Variants in POFUT2 observed in about 807,000 individuals in gnomAD.
POFUT2 encodes the protein GDP-fucose protein O-fucosyltransferase 2.
In POFUT2, 30 loss-of-function variants were observed where a neutral mutation model predicts 55.0. The observed-to-expected ratio is 0.55, with a 90% CI of 0.41 to 0.74. POFUT2 has a LOEUF of 0.74. Among genes scored for constraint, POFUT2 ranks in the 30% least tolerant of loss-of-function variants. The pLI is 0.00. For missense variants in POFUT2, 524 were observed against 562.6 expected (o/e 0.93, Z 0.69); for synonymous variants, 267 against 231.1 (o/e 1.16, Z -1.41).
At chr21:45,278,683 C>T (rs940011094) in intron 4 of POFUT2, among the ~76,000 whole-genome samples, 1 of 152,250 alleles carries the variant, frequency 6.6e-6, no homozygotes, top group Non-Finnish European at 1.5e-5. Context: ...TTACTGCAAC[C>T]CTTGTCCGGT....
chr21:45,286,483 C>T (rs773483004), intron 1 of POFUT2, among the ~76,000 whole-genome samples: 1 of 152,212 alleles, frequency 6.6e-6, no homozygotes, highest in African/African-American at 2.4e-5. Flanking sequence ...TTCCCATACC[C>T]GTTTCTGCAT....
At chr21:45,280,092 G>A (rs574170931) in intron 4 of POFUT2, among the ~76,000 whole-genome samples, 37 of 152,270 alleles carry the variant, frequency 2.4e-4, no homozygotes, top group African/African-American at 7.7e-4. Context: ...CATTCCGCAC[G>A]GGCACAGGTA....
chr21:45,270,661 A>G lies in POFUT2; in HGVS notation c.832-642T>C, dbSNP rs2146573514. 6.6e-6 allele frequency among the ~76,000 whole-genome samples: 1 copy of G among 152,134 alleles called. No homozygotes were observed. Among genetic ancestry groups the G allele is most frequent in the South Asian group, 2.1e-4 (1 of 4,812 alleles). ...CCAGAGTCCACTTCACTCCCCCGCC[A>G]CCTCCAGCAGAGCAGGTGCTGGAAC... On this transcript the variant is annotated intron_variant, in intron 6 of 8. Coordinates refer to ENST00000349485, the MANE Select transcript of POFUT2 (RefSeq NM_133635.6). The surrounding 1 kb of genome is among the most constrained non-coding windows in gnomAD (Gnocchi z 4.6).
Position 45,277,375 on chromosome 21 carries a change from CCT to C in POFUT2, c.706-235_706-234del, listed in dbSNP as rs2029919146. The C allele has an allele frequency of 7.4e-6, 4 of 537,110 alleles. No homozygotes were observed. Among genetic ancestry groups the C allele is most frequent in the African/African-American group, 5.7e-5 (3 of 52,324 alleles). The allele number at this position is 537,110 out of a possible 1,614,324, so 33.3% of individuals were successfully genotyped here. On this transcript the variant is annotated intron_variant, in intron 5 of 8. Coordinates refer to ENST00000349485, the MANE Select transcript of POFUT2 (RefSeq NM_133635.6). The surrounding 1 kb of genome is among the most constrained non-coding windows in gnomAD (Gnocchi z 6.9). ...CCCACCCCTGCCGGCTCTGCCAGCC[CCT>C]GCCGTGGGAAGCTGCGGCACACACT...
chr21:45,287,575 C>A, intron 1 of POFUT2, among the ~76,000 whole-genome samples, 166 bp downstream of exon 1: 1 of 97,532 alleles, frequency 1.0e-5, no homozygotes, highest in Non-Finnish European at 2.0e-5. Flanking sequence ...TGCCCCATAA[C>A]TCCGCTCCAT....
In POFUT2 at chr21:45,267,279, CA is replaced by C. The variant is rs1341115861; in HGVS notation, c.1136+310del. 1.9e-5 allele frequency: 27 copies of C among 1,445,998 alleles called. No homozygotes were observed. The highest frequency in any genetic ancestry group is 1.4e-5 in the Non-Finnish European group (16 of 1,105,886). The allele number at this position is 1,445,998 out of a possible 1,614,324, so 89.6% of individuals were successfully genotyped here. A position where few individuals can be genotyped will look rare whatever the true frequency, so the allele number is the denominator to read the frequency against. ...GGCAACTCTCAGGGCAGGGGGCAGACAGGGGCAGAAACCGGGAATGATGGGA... is the reference window on the plus strand; with the variant it reads ...GGCAACTCTCAGGGCAGGGGGCAGACGGGGCAGAAACCGGGAATGATGGGA... On this transcript the variant is annotated intron_variant, in intron 8 of 8. Transcript: ENST00000349485. This position sits in a 1 kb window ranked among gnomAD's most constrained non-coding sequence, Gnocchi z 4.4.
In POFUT2 at chr21:45,269,992, G is replaced by T; in HGVS notation, c.859C>A (p.Pro287Thr). The change falls in exon 7 of 9, where the codon CCC (proline) becomes ACC (threonine). Residue 287 changes from proline to threonine, a missense_variant. This residue lies in a region of POFUT2 where 250 missense variants were observed against 318.2 expected (regional missense o/e 0.79). Transcript: ENST00000349485. ...CTTCTCAGGTGGACTCCCAGGTAGG[G>T]GCCCCCTAGCGCGGAGCCCAGCTTG... Reference protein sequence around the residue: ...KVKLGSALGGPYLGVHLRRKD... With the variant: ...KVKLGSALGGTYLGVHLRRKD... 6.4e-7 allele frequency: 1 copy of T among 1,570,768 alleles called. No individual in the cohort carries two copies. The highest frequency in any genetic ancestry group is 8.6e-7 in the Non-Finnish European group (1 of 1,164,538).
At position 45,277,822 on chromosome 21, in the gene POFUT2, C is replaced by T; in HGVS notation, c.705+281G>A. 2.0e-6 allele frequency: 1 copy of T among 506,774 alleles called. No homozygotes were observed. The highest frequency in any genetic ancestry group is 3.5e-6 in the Non-Finnish European group (1 of 283,290). 31.4% of individuals were successfully genotyped at this position (506,774 alleles called of 1,614,324 possible). A position where few individuals can be genotyped will look rare whatever the true frequency, so the allele number is the denominator to read the frequency against. ...TCTACGTTCCAGCCACTGACGGAGT[C>T]ACTGACTCCGGGGCTGACTCCAGGG... On this transcript the variant is annotated intron_variant, in intron 5 of 8. Transcript: ENST00000349485. This position sits in a 1 kb window ranked among gnomAD's most constrained non-coding sequence, Gnocchi z 6.9.
At position 45,265,918 on chromosome 21, in the gene POFUT2, C is replaced by A; in HGVS notation, c.1137-283G>T. 6.2e-6 allele frequency: 8 copies of A among 1,296,046 alleles called. No individual in the cohort carries two copies. The highest frequency in any genetic ancestry group is 7.9e-6 in the Non-Finnish European group (8 of 1,010,414). 80.3% of individuals were successfully genotyped at this position (1,296,046 alleles called of 1,614,324 possible). On this transcript the variant is annotated intron_variant, in intron 8 of 8. Transcript: ENST00000349485. The surrounding 1 kb of genome is among the most constrained non-coding windows in gnomAD (Gnocchi z 4.6). ...CGCTCCTGTCCCACCGCATGTCCCCCTGGGAGCCCTCCTCTCCGTCACCAA... is the reference window on the plus strand; with the variant it reads ...CGCTCCTGTCCCACCGCATGTCCCCATGGGAGCCCTCCTCTCCGTCACCAA...
intron 6 of POFUT2, among the ~76,000 whole-genome samples, chr21:45,276,301 T>C (rs2093263405): frequency 1.3e-5 from 2 of 152,080 alleles, no homozygotes; most frequent in South Asian, 4.2e-4. Context: ...AAAAATCTTC[T>C]ATATTTTTTC....
At chr21:45,266,255 G>C (rs771170960) in intron 8 of POFUT2, 2 of 1,367,452 alleles carry the variant, frequency 1.5e-6, no homozygotes, top group African/African-American at 3.0e-5. Context: ...CCCCAGAGAT[G>C]TTTCCAGAGC....
At chr21:45,287,130 ACCCGCTGG>A (rs1305064462) in intron 1 of POFUT2, among the ~76,000 whole-genome samples, 55 of 149,264 alleles carry the variant, frequency 3.7e-4, no homozygotes, top group African/African-American at 1.3e-3. Flanking sequence ...ACTACAGCCA[ACCCGCTGG>A]CCCGACCCTG....
chr21:45,272,414 C>A (rs933667396), intron 6 of POFUT2, among the ~76,000 whole-genome samples: 4 of 152,168 alleles, frequency 2.6e-5, no homozygotes, highest in African/African-American at 9.7e-5. Flanking sequence ...AAAACAATTA[C>A]TACTAGACCT....
In POFUT2 at chr21:45,283,473, C is replaced by T. The variant is rs749474831; in HGVS notation, c.437G>A (p.Gly146Glu). ...CTCTTCCCAGGTCCCTTCTTTCCAC[C>T]CCTCTGCGTAACTTTGCAGGACGTA... is the stretch of plus-strand genomic sequence containing the variant. ...QVYVLQSYAE[G>E]WKEGTWEEKV... Residue 146 changes from glycine to glutamate, a missense_variant, in exon 3 of 9, where the codon GGG (glycine) becomes GAG (glutamate). This residue lies in a region of POFUT2 where 274 missense variants were observed against 244.4 expected (regional missense o/e 1.12). Coordinates refer to ENST00000349485, the MANE Select transcript of POFUT2 (RefSeq NM_133635.6). The T allele has an allele frequency of 3.1e-6, 5 of 1,613,830 alleles. No individual in the cohort carries two copies. Among genetic ancestry groups the T allele is most frequent in the Middle Eastern group, 1.6e-4 (1 of 6,084 alleles).
rs1021895334 is a variant in POFUT2 at position 45,284,960 on chromosome 21, C to T, written c.382+718G>A. ...CAGAGTGACAAGATCTAGGGTGCAACGAGAACCACATCCTTGAAAAATGAT... is the reference window on the plus strand; with the variant it reads ...CAGAGTGACAAGATCTAGGGTGCAATGAGAACCACATCCTTGAAAAATGAT... On this transcript the variant is annotated intron_variant, in intron 2 of 8. Coordinates refer to ENST00000349485, the MANE Select transcript of POFUT2 (RefSeq NM_133635.6). This position sits in a 1 kb window ranked among gnomAD's most constrained non-coding sequence, Gnocchi z 5.8. 3.9e-5 allele frequency among the ~76,000 whole-genome samples: 6 copies of T among 152,094 alleles called. No homozygotes were observed. Among genetic ancestry groups the T allele is most frequent in the Admixed American group, 1.3e-4 (2 of 15,274 alleles).
chr21:45,269,089 G>A (rs1328733442), intron 7 of POFUT2, among the ~76,000 whole-genome samples: 2 of 139,252 alleles, frequency 1.4e-5, no homozygotes, highest in African/African-American at 2.7e-5. Flanking sequence ...GGTGAGGGGC[G>A]CCTCTGCCCG....
In POFUT2 at chr21:45,285,485, C is replaced by A; in HGVS notation, c.382+193G>T. On this transcript the variant is annotated intron_variant, in intron 2 of 8. Transcript: ENST00000349485. This position sits in a 1 kb window ranked among gnomAD's most constrained non-coding sequence, Gnocchi z 4.9. ...TCCGAGAAACATTTTGGGAAGCTCA[C>A]TGCAGCGTGGGAAAGGGACTGTGCT... 1 of 697,444 alleles carries A rather than the reference C, an allele frequency of 1.4e-6. No homozygotes were observed. 43.2% of individuals were successfully genotyped at this position (697,444 alleles called of 1,614,324 possible).
Position 45,284,866 on chromosome 21 carries a change from T to C in POFUT2, c.382+812A>G, listed in dbSNP as rs931414236. The stretch of plus-strand genomic sequence containing the variant: ...TTCTGACTTGGTATCAACAAGGATG[T>C]TGGAGGTTACCGCCTGTTGTTGCAT... On this transcript the variant is annotated intron_variant, in intron 2 of 8. Transcript: ENST00000349485. This position sits in a 1 kb window ranked among gnomAD's most constrained non-coding sequence, Gnocchi z 5.8. Among the ~76,000 whole-genome samples, 1 of 152,210 alleles carries C rather than the reference T, an allele frequency of 6.6e-6. No individual in the cohort carries two copies. Among genetic ancestry groups the C allele is most frequent in the African/African-American group, 2.4e-5 (1 of 41,458 alleles).
rs758415612 is a variant in POFUT2 at position 45,283,419 on chromosome 21, T to C, written c.491A>G (p.Gln164Arg). The change falls in exon 3 of 9, where the codon CAG becomes CGG. Residue 164 changes from glutamine (Q) to arginine (R), a missense_variant. Physicochemically the swap from Gln to Arg is conservative, Grantham distance 43. This residue lies in a region of POFUT2 where 274 missense variants were observed against 244.4 expected (regional missense o/e 1.12). Transcript: ENST00000349485. Reference sequence around the variant, plus strand: ...GTGCTTGTCCTGGGAGTACAGGAGCTGATCAATACACGGCCGCTCGTCCAC... The same window carrying C: ...GTGCTTGTCCTGGGAGTACAGGAGCCGATCAATACACGGCCGCTCGTCCAC... ...EKVDERPCID[Q>R]LLYSQDKHEY... 1 of 1,612,304 alleles carries C rather than the reference T, an allele frequency of 6.2e-7. No homozygotes were observed. Among genetic ancestry groups the C allele is most frequent in the Non-Finnish European group, 8.5e-7 (1 of 1,179,278 alleles).
Sources: gnomAD v4.1 joint callset for allele counts (sites outside exome capture counted in the v4.1 genomes callset) on GRCh38, gnomAD v4.1.1 for gene constraint, gnomAD v4.1.1 regional missense constraint, Gnocchi (gnomAD v3.1) non-coding constraint, MANE v1.5 for transcripts, NCBI Gene and HGNC (gene_info 2026-07-23, HGNC 2026-07-21) for gene names.